The following HOMER2 variants were observed in gnomAD, a reference collection of about 807,000 sequenced individuals.
The protein encoded by HOMER2 is homer scaffold protein 2, also known as homer protein homolog 2.
HOMER2 carries 27 observed loss-of-function variants against 47.0 expected under a neutral mutation model. That is an observed-to-expected ratio of 0.57 (90% CI 0.42 to 0.79). The LOEUF is 0.79. HOMER2 is among the 30% of genes least tolerant of loss of function. The pLI, the probability that HOMER2 is intolerant of heterozygous loss-of-function variation, is 0.00. For missense variants in HOMER2, 443 were observed against 435.0 expected, an observed-to-expected ratio of 1.02 and a Z score of -0.16; for synonymous variants, 161 against 163.8, an observed-to-expected ratio of 0.98 and a Z score of 0.13.
downstream of HOMER2, among the ~76,000 whole-genome samples, chr15:82,836,565 C>T (rs564768085): frequency 4.6e-5 from 7 of 152,354 alleles, no homozygotes; most frequent in South Asian, 2.1e-4. Flanking sequence ...CAGCCTTTTC[C>T]GCCAGGTCTT....
intron 1 of HOMER2, among the ~76,000 whole-genome samples, chr15:82,983,297 A>G (rs367604542): frequency 1.3e-5 from 2 of 152,218 alleles, no homozygotes; most frequent in East Asian, 3.9e-4. Flanking sequence ...GTTAAGTCAA[A>G]CAGTCCTGTC....
In HOMER2 at chr15:82,875,405, C is replaced by T; in HGVS notation, c.163-1G>A. The T allele has an allele frequency of 6.2e-7, 1 of 1,613,700 alleles. No individual in the cohort carries two copies. Among genetic ancestry groups the T allele is most frequent in the Non-Finnish European group, 8.5e-7 (1 of 1,179,774 alleles). ...GTGTGATTGTGCTGTTTATGATCAC[C>T]TGCAGAAAAACAGCCCAAAGAGTGA... On this transcript the variant is annotated splice_acceptor_variant, in intron 2 of 8. Transcript: ENST00000450735. LOFTEE classifies it high-confidence loss of function.
At chr15:82,975,426 C>T (rs1419141344) in intron 1 of HOMER2, among the ~76,000 whole-genome samples, 2 of 152,158 alleles carry the variant, frequency 1.3e-5, no homozygotes, top group African/African-American at 2.4e-5. Context: ...TGCTGCAGCA[C>T]GGTTCACAAT....
rs150985982 is a variant in HOMER2 at position 82,977,868 on chromosome 15, C to T, written n.82+7919G>A. On this transcript the variant is annotated intron_variant and non_coding_transcript_variant, in intron 1 of 1. Transcript: ENST00000500334. ...TTAGTCAAAAATAAAACTGGAAGGC[C>T]GGGCACGGTGGATCACACCTATAAT... 4.8e-3 allele frequency among the ~76,000 whole-genome samples: 727 copies of T among 152,092 alleles called. 4 individuals carry two copies. Among genetic ancestry groups the T allele is most frequent in the African/African-American group, 0.016 (647 of 41,494 alleles).
At chr15:82,903,260 G>A (rs1219983874) in intron 1 of HOMER2, among the ~76,000 whole-genome samples, 4 of 152,124 alleles carry the variant, frequency 2.6e-5, no homozygotes, top group Non-Finnish European at 4.4e-5. Flanking sequence ...AAATGGCGTC[G>A]GGAGCATTTC....
At chr15:82,980,979 A>T (rs2030375958) in intron 1 of HOMER2, among the ~76,000 whole-genome samples, 1 of 152,180 alleles carries the variant, frequency 6.6e-6, no homozygotes, top group South Asian at 2.1e-4. Context: ...TCTGAAGAGG[A>T]TACAGGATTG....
intron 3 of HOMER2, among the ~76,000 whole-genome samples, chr15:82,868,541 A>ATATATATATATATTTTTT: frequency 4.2e-5 from 3 of 71,262 alleles, no homozygotes; most frequent in Non-Finnish European, 8.5e-5. Flanking sequence ...ATATATATAT[A>ATATATATATATATTTTTT]TTTTTTTTTT....
At chr15:82,927,901 C>G (rs909236403) in intron 1 of HOMER2, among the ~76,000 whole-genome samples, 2 of 147,646 alleles carry the variant, frequency 1.4e-5, no homozygotes, top group Non-Finnish European at 3.0e-5. Flanking sequence ...AACCGGGAGG[C>G]GGAAGTTGCA....
intron 1 of HOMER2, among the ~76,000 whole-genome samples, chr15:82,974,399 T>C (rs148372764): frequency 0.046 from 6,768 of 147,834 alleles, 300 homozygotes; most frequent in African/African-American, 0.12. Context: ...AGCAAAACTC[T>C]ATCTCAAAAA....
intron 1 of HOMER2, among the ~76,000 whole-genome samples, chr15:82,897,742 G>T (rs566751877): frequency 4.1e-4 from 62 of 152,300 alleles, no homozygotes; most frequent in African/African-American, 1.5e-3. Context: ...TGACAGACAG[G>T]AACTGAGGCC....
Position 82,854,659 on chromosome 15 carries a change from G to T in HOMER2, c.636C>A (p.Asp212Glu), listed in dbSNP as rs760594313. ...CCGTACCCACCTTGTTGCGGAGCCG[G>T]TCATTCTCATCACGGCAGATGGAGA... is the stretch of plus-strand genomic sequence containing the variant. The part of the protein sequence containing the change: ...RQFSICRDEN[D>E]RLRNKIDELE... Residue 212 changes from aspartate (D) to glutamate (E), a missense_variant, in exon 6 of 9, where the codon GAC becomes GAA. Transcript: ENST00000450735. 1 of 1,612,616 alleles carries T rather than the reference G, an allele frequency of 6.2e-7. No individual in the cohort carries two copies. The highest frequency in any genetic ancestry group is 8.5e-7 in the Non-Finnish European group (1 of 1,179,644).
intron 1 of HOMER2, among the ~76,000 whole-genome samples, chr15:82,901,747 C>T (rs567942970): frequency 6.6e-6 from 1 of 152,326 alleles, no homozygotes; most frequent in Non-Finnish European, 1.5e-5. Flanking sequence ...CCCTAATGTG[C>T]TCTGTGGAGC....
chr15:82,939,668 T>TCAA (rs1356095183), intron 1 of HOMER2, among the ~76,000 whole-genome samples: 3 of 152,032 alleles, frequency 2.0e-5, no homozygotes, highest in African/African-American at 7.3e-5. Flanking sequence ...AGACTCTATC[T>TCAA]CAACAACAAC....
Position 82,875,287 on chromosome 15 carries a change from G to C in HOMER2, c.280C>G (p.Gln94Glu). Residue 94 changes from glutamine (Q) to glutamate (E), a missense_variant, in exon 3 of 9, where the codon CAG (glutamine) becomes GAG (glutamate). Coordinates refer to ENST00000450735, the MANE Select transcript of HOMER2 (RefSeq NM_004839.4). The stretch of plus-strand genomic sequence containing the variant: ...GACCAAGTTACCTTTGTCAGCTGCT[G>C]CTCAGAGGAAAACCCCAAACCAAAC... ...TVFGLGFSSEQQLTKFAEKFQ... is the reference protein window; with the variant it reads ...TVFGLGFSSEEQLTKFAEKFQ... The C allele has an allele frequency of 1.9e-6, 3 of 1,613,664 alleles. No individual in the cohort carries two copies. The highest frequency in any genetic ancestry group is 2.5e-6 in the Non-Finnish European group (3 of 1,179,872).
Position 82,985,311 on chromosome 15 carries a change from T to C in HOMER2, n.82+476A>G, listed in dbSNP as rs1394661001. ...CAGCTATTTTGGATCACGGTGGTGCTTGAAGATGGCTACACCTATAGCAGG... is the reference window on the plus strand; with the variant it reads ...CAGCTATTTTGGATCACGGTGGTGCCTGAAGATGGCTACACCTATAGCAGG... On this transcript the variant is annotated intron_variant and non_coding_transcript_variant, in intron 1 of 1. Coordinates refer to the HOMER2 transcript ENST00000500334. Among the ~76,000 whole-genome samples, 4 of 152,246 alleles carry C rather than the reference T, an allele frequency of 2.6e-5. No homozygotes were observed. In the East Asian group the frequency reaches 5.8e-4, roughly 22 times the overall value.
chr15:82,954,260 C>A (rs954551006), upstream of HOMER2, among the ~76,000 whole-genome samples: 4 of 152,006 alleles, frequency 2.6e-5, no homozygotes, highest in African/African-American at 9.7e-5. Context: ...AGGCAAGCCA[C>A]TGAAATCAGA....
intron 1 of HOMER2, among the ~76,000 whole-genome samples, chr15:82,893,625 CTT>C (rs537549847): frequency 5.0e-4 from 68 of 134,850 alleles, no homozygotes; most frequent in South Asian, 4.8e-4. Context: ...GCCACTGCGC[CTT>C]TTTTTTTTTT....
intron 1 of HOMER2, among the ~76,000 whole-genome samples, chr15:82,949,744 C>G (rs2054464539): frequency 1.3e-5 from 2 of 152,138 alleles, no homozygotes; most frequent in African/African-American, 2.4e-5. Context: ...AATATGGTGG[C>G]CACTAGCTAC....
At chr15:82,874,345 T>C (rs969208365) in intron 3 of HOMER2, among the ~76,000 whole-genome samples, 11 of 152,248 alleles carry the variant, frequency 7.2e-5, no homozygotes, top group Non-Finnish European at 1.6e-4. Flanking sequence ...TTTCTTTGAC[T>C]TGTAAACTAG....
Sources: gnomAD v4.1 joint callset for allele counts (sites outside exome capture counted in the v4.1 genomes callset) on GRCh38, gnomAD v4.1.1 for gene constraint, MANE v1.5 for transcripts, NCBI Gene and HGNC (gene_info 2026-07-23, HGNC 2026-07-21) for gene names.